Variants in UNC5D observed in about 807,000 individuals in gnomAD.
UNC5D encodes the protein netrin receptor UNC5D.
A neutral mutation model predicts 105.4 loss-of-function variants in UNC5D; 39 were observed. That is an observed-to-expected ratio of 0.37 (90% CI 0.29 to 0.48). The LOEUF (loss-of-function observed/expected upper bound fraction) is 0.48. Ranked by LOEUF, UNC5D falls within the 20% of genes least tolerant of loss-of-function variation. The pLI, the probability that UNC5D is intolerant of heterozygous loss-of-function variation, is 0.98. For missense variants in UNC5D, 991 were observed against 1,202.4 expected (o/e 0.82, Z 2.60); for synonymous variants, 452 against 450.4 (o/e 1.00, Z -0.04).
chr8:35,420,955 A>G lies in UNC5D; in HGVS notation c.104-128337A>G, dbSNP rs1306560436. The stretch of plus-strand genomic sequence containing the variant: ...ATTACCAGAGACTGACTTAAGTTAT[A>G]GGTTAGTTGCTGCTATCATTCTTTG... On this transcript the variant is annotated intron_variant, in intron 1 of 16. Transcript: ENST00000404895. Among the ~76,000 whole-genome samples, 4 of 152,174 alleles carry G rather than the reference A, an allele frequency of 2.6e-5. No individual in the cohort carries two copies. The East Asian group carries it at 7.7e-4, about 29-fold the overall frequency.
intron 8 of UNC5D, among the ~76,000 whole-genome samples, chr8:35,714,233 G>A (rs955273190): frequency 6.6e-6 from 1 of 152,226 alleles, no homozygotes; most frequent in South Asian, 2.1e-4. Context: ...CATGTCCCTG[G>A]TGGTGTCATT....
At chr8:35,294,912 G>C (rs1033191076) in intron 1 of UNC5D, among the ~76,000 whole-genome samples, 4 of 152,024 alleles carry the variant, frequency 2.6e-5, no homozygotes, top group Non-Finnish European at 5.9e-5. Context: ...GAAGTTTATG[G>C]CATTGTACTA....
intron 4 of UNC5D, among the ~76,000 whole-genome samples, chr8:35,619,442 C>T (rs776959583): frequency 6.6e-6 from 1 of 152,166 alleles, no homozygotes; most frequent in Non-Finnish European, 1.5e-5. Context: ...AGCAGAGACT[C>T]TAGAAAATAG....
chr8:35,674,535 T>C (rs1825066121), intron 4 of UNC5D, among the ~76,000 whole-genome samples: 1 of 152,208 alleles, frequency 6.6e-6, no homozygotes, highest in Admixed American at 6.5e-5. Context: ...AACTAACACA[T>C]GTATAGTGCC....
chr8:35,667,200 G>A (rs1402948140), intron 4 of UNC5D, among the ~76,000 whole-genome samples: 1 of 152,026 alleles, frequency 6.6e-6, no homozygotes, highest in Non-Finnish European at 1.5e-5. Flanking sequence ...CAGAAAATAG[G>A]ACAGTCTAAA....
chr8:35,284,678 C>T (rs891656534), intron 1 of UNC5D, among the ~76,000 whole-genome samples: 7 of 152,154 alleles, frequency 4.6e-5, no homozygotes, highest in Non-Finnish European at 8.8e-5. Flanking sequence ...CCTCAGCCTC[C>T]TGGATAGCTG....
intron 1 of UNC5D, among the ~76,000 whole-genome samples, chr8:35,407,843 A>T (rs1246306797): frequency 6.6e-6 from 1 of 152,068 alleles, no homozygotes; most frequent in African/African-American, 2.4e-5. Flanking sequence ...CTCCAACTCC[A>T]TCCATTTCCC....
At chr8:35,517,230 C>T (rs1353063533) in intron 1 of UNC5D, among the ~76,000 whole-genome samples, 2 of 152,112 alleles carry the variant, frequency 1.3e-5, no homozygotes, top group East Asian at 1.9e-4. Flanking sequence ...TCTAAGACAT[C>T]TGGAATGTGT....
intron 1 of UNC5D, among the ~76,000 whole-genome samples, chr8:35,236,211 C>G (rs1802448878): frequency 6.6e-6 from 1 of 152,212 alleles, no homozygotes; most frequent in African/African-American, 2.4e-5. Flanking sequence ...TCTCGCTCTC[C>G]CCTCTCCTCT....
At chr8:35,694,151 G>A (rs946827183) in intron 7 of UNC5D, among the ~76,000 whole-genome samples, 13 of 152,096 alleles carry the variant, frequency 8.5e-5, no homozygotes, top group African/African-American at 1.2e-4. Flanking sequence ...GAACCAGCTC[G>A]TCGGTGAGAG....
At chr8:35,402,801 G>GT (rs1804556694) in intron 1 of UNC5D, among the ~76,000 whole-genome samples, 1 of 152,050 alleles carries the variant, frequency 6.6e-6, no homozygotes, top group Non-Finnish European at 1.5e-5. Context: ...AAAGAATAGT[G>GT]AGAGGTTGAG....
intron 1 of UNC5D, among the ~76,000 whole-genome samples, chr8:35,397,485 C>T (rs1276169215): frequency 6.6e-6 from 1 of 152,146 alleles, no homozygotes; most frequent in African/African-American, 2.4e-5. Flanking sequence ...AATCGTGTAC[C>T]AATTTACAAC....
intron 7 of UNC5D, among the ~76,000 whole-genome samples, chr8:35,699,460 C>A (rs1181582937): frequency 2.0e-5 from 3 of 152,048 alleles, no homozygotes; most frequent in African/African-American, 7.2e-5. Context: ...TCAATAGAAC[C>A]GTTTTTCATT....
intron 6 of UNC5D, among the ~76,000 whole-genome samples, chr8:35,685,259 T>C (rs563434123): frequency 6.6e-6 from 1 of 152,364 alleles, no homozygotes; most frequent in African/African-American, 2.4e-5. Flanking sequence ...GCAGTCTATA[T>C]TTTACATTTG....
chr8:35,779,618 C>T (rs747620638), intron 16 of UNC5D, among the ~76,000 whole-genome samples: 3 of 152,130 alleles, frequency 2.0e-5, no homozygotes, highest in Non-Finnish European at 4.4e-5. Flanking sequence ...AACACCATGC[C>T]TGGCTAACTT....
At chr8:35,319,077 C>A (rs2128883883) in intron 1 of UNC5D, among the ~76,000 whole-genome samples, 1 of 152,156 alleles carries the variant, frequency 6.6e-6, no homozygotes, top group Admixed American at 6.6e-5. Context: ...ACATTCATAC[C>A]CATATGTTGT....
At chr8:35,514,551 A>G (rs554885953) in intron 1 of UNC5D, among the ~76,000 whole-genome samples, 1 of 152,284 alleles carries the variant, frequency 6.6e-6, no homozygotes, top group East Asian at 1.9e-4. Flanking sequence ...AACGATAGAA[A>G]ATGGCCTTTT....
chr8:35,742,500 T>A (rs1829812837), intron 11 of UNC5D, among the ~76,000 whole-genome samples: 1 of 152,138 alleles, frequency 6.6e-6, no homozygotes, highest in African/African-American at 2.4e-5. Flanking sequence ...AAACTATCAT[T>A]ACTCTCCTGC....
At chr8:35,402,686 G>A (rs1206358451) in intron 1 of UNC5D, among the ~76,000 whole-genome samples, 1 of 152,156 alleles carries the variant, frequency 6.6e-6, no homozygotes, top group Non-Finnish European at 1.5e-5. Flanking sequence ...TGGCCTCCAA[G>A]TGTTGGAGGC....
Sources: allele counts gnomAD v4.1 joint callset (sites outside exome capture counted in the v4.1 genomes callset), GRCh38; gene constraint gnomAD v4.1.1; transcripts MANE v1.5; gene names NCBI Gene and HGNC (gene_info 2026-07-23, HGNC 2026-07-21).